The following RNF139 variants were observed in gnomAD, a reference collection of about 807,000 sequenced individuals.
RNF139 encodes the protein ring finger protein 139, also known as E3 ubiquitin-protein ligase RNF139.
Under a neutral mutation model 49.5 loss-of-function variants are expected in RNF139, and 15 were observed. The ratio of observed to expected loss-of-function variants is 0.30; its 90% CI spans 0.20 to 0.47. The LOEUF (loss-of-function observed/expected upper bound fraction) is 0.47, where lower values mean the gene tolerates loss of function less well. Among genes scored for constraint, RNF139 ranks in the 20% least tolerant of loss-of-function variants. The probability of loss-of-function intolerance (pLI) is 1.00; values close to 1 mark genes in which losing one functional copy is unlikely to be tolerated. For missense variants in RNF139, 619 were observed against 806.3 expected (o/e 0.77, Z 2.81); for synonymous variants, 325 against 300.9 (o/e 1.08, Z -0.83).
chr8:124,476,010 C>T (rs1004771045), intron 1 of RNF139, among the ~76,000 whole-genome samples: 1 of 152,180 alleles, frequency 6.6e-6, no homozygotes, highest in Non-Finnish European at 1.5e-5. Context: ...TCATTTCTTC[C>T]TTTCCATCTT....
intron 1 of RNF139, among the ~76,000 whole-genome samples, chr8:124,485,470 A>G (rs959808661): frequency 6.6e-6 from 1 of 152,252 alleles, no homozygotes; most frequent in African/African-American, 2.4e-5. Flanking sequence ...TTATGAAATG[A>G]TAAAAGACAT....
intron 1 of RNF139, among the ~76,000 whole-genome samples, chr8:124,480,909 A>G (rs540406032): frequency 3.9e-5 from 6 of 152,284 alleles, no homozygotes; most frequent in African/African-American, 1.2e-4. Context: ...CAAAGACCAA[A>G]TATTAATATT....
At position 124,475,205 on chromosome 8, in the gene RNF139, C is replaced by G. The variant is rs1816292118; in HGVS notation, c.96C>G (p.Tyr32Ter). 6.2e-7 allele frequency: 1 copy of G among 1,611,914 alleles called. No individual in the cohort carries two copies. The highest frequency in any genetic ancestry group is 8.5e-7 in the Non-Finnish European group (1 of 1,178,708). Reference sequence around the variant, plus strand: ...TGGCGCTCCGGGTGCCCTGCCTTTACATCATCGACGCCATCTTCAACTCCT... The same window carrying G: ...TGGCGCTCCGGGTGCCCTGCCTTTAGATCATCGACGCCATCTTCAACTCCT... ...LEVALRVPCL[Y>*]IIDAIFNSYP... The change falls in exon 1 of 2, where the codon TAC (tyrosine) becomes TAG (stop). Residue 32 changes from tyrosine to a stop codon, truncating the protein, a stop_gained. Coordinates refer to ENST00000303545, the MANE Select transcript of RNF139 (RefSeq NM_007218.4). LOFTEE classifies it high-confidence loss of function.
At chr8:124,484,083 A>G (rs936863685) in intron 1 of RNF139, among the ~76,000 whole-genome samples, 7 of 152,316 alleles carry the variant, frequency 4.6e-5, no homozygotes, top group African/African-American at 1.4e-4. Context: ...TATCAAAGAA[A>G]GTAGGTTTCT....
chr8:124,482,986 A>ATATAATATATATATAT (rs1816452053), intron 1 of RNF139, among the ~76,000 whole-genome samples: 1 of 104,100 alleles, frequency 9.6e-6, no homozygotes, highest in Non-Finnish European at 1.8e-5. Context: ...AAATATATAT[A>ATATAATATATATATAT]TATTTAAAAA....
chr8:124,485,748 TAAAG>T, intron 1 of RNF139, 79 bp from the exon 2 acceptor site: 1 of 1,160,600 alleles, frequency 8.6e-7, no homozygotes, highest in Non-Finnish European at 1.2e-6. Flanking sequence ...ATTTCCTAAT[TAAAG>T]GAAGAATATC....
At chr8:124,478,723 C>CT (rs199911545) in intron 1 of RNF139, among the ~76,000 whole-genome samples, 10,756 of 141,764 alleles carry the variant, frequency 0.076, 620 homozygotes, top group South Asian at 0.29. Context: ...TTTTGGAAGA[C>CT]TTTTTTTTTT....
chr8:124,485,552 T>C (rs1021823082), intron 1 of RNF139, among the ~76,000 whole-genome samples: 3 of 152,178 alleles, frequency 2.0e-5, no homozygotes, highest in Admixed American at 1.3e-4. Context: ...AATTTAGTAA[T>C]TTGGTGCCTT....
intron 1 of RNF139, among the ~76,000 whole-genome samples, chr8:124,483,127 A>ATATATATTTTTAT (rs1816477934): frequency 8.9e-6 from 1 of 112,262 alleles, no homozygotes; most frequent in Admixed American, 1.1e-4. Flanking sequence ...TATATATTTA[A>ATATATATTTTTAT]AAGAGCCTGT....
At position 124,486,978 on chromosome 8, in the gene RNF139, A is replaced by C. The variant is rs1268176319; in HGVS notation, c.1329A>C (p.Leu443Phe). 1 of 1,613,962 alleles carries C rather than the reference A, an allele frequency of 6.2e-7. No homozygotes were observed. The highest frequency in any genetic ancestry group is 8.5e-7 in the Non-Finnish European group (1 of 1,179,992). ...KVIVSLTVYT[L>F]FMIDGYYNVL... The stretch of plus-strand genomic sequence containing the variant: ...TTGTTTCTCTCACTGTTTATACGTT[A>C]TTCATGATTGATGGCTACTATAATG... The change falls in exon 2 of 2, where the codon TTA becomes TTC. Residue 443 changes from leucine (L) to phenylalanine (F), a missense_variant. Transcript: ENST00000303545.
chr8:124,487,273 GAAAT>G lies in RNF139; in HGVS notation c.1629_1632del (p.Ile543MetfsTer75). ...TGAAATAAAAGGGAGCCGCTTACAA[GAAAT>G]AAATGATGTATGTGCAATCTGCTAT... On this transcript the variant is annotated frameshift_variant, in exon 2 of 2. Transcript: ENST00000303545. LOFTEE classifies it high-confidence loss of function. The G allele has an allele frequency of 6.2e-7, 1 of 1,613,906 alleles. No homozygotes were observed. The highest frequency in any genetic ancestry group is 8.5e-7 in the Non-Finnish European group (1 of 1,179,970).
chr8:124,480,917 A>AT (rs752869388), intron 1 of RNF139, among the ~76,000 whole-genome samples: 15 of 151,902 alleles, frequency 9.9e-5, no homozygotes, highest in African/African-American at 1.4e-4. Context: ...AAATATTAAT[A>AT]TTTTTTTTAT....
intron 1 of RNF139, 146 bp downstream of exon 1, chr8:124,475,436 T>A: frequency 1.2e-6 from 1 of 807,994 alleles, no homozygotes; most frequent in Non-Finnish European, 1.9e-6. Context: ...TCTTTACGGG[T>A]TGGGAGGGGG....
At position 124,482,933 on chromosome 8, in the gene RNF139, T is replaced by A. The variant is rs1358861472; in HGVS notation, c.182-2898T>A. Among the ~76,000 whole-genome samples, 9 of 94,188 alleles carry A rather than the reference T, an allele frequency of 9.6e-5. No homozygotes were observed. The East Asian group carries it at 1.9e-3, about 20-fold the overall frequency. 61.8% of individuals were successfully genotyped at this position (94,188 alleles called of 152,430 possible). On this transcript the variant is annotated intron_variant, in intron 1 of 1. Coordinates refer to ENST00000303545, the MANE Select transcript of RNF139 (RefSeq NM_007218.4). The stretch of plus-strand genomic sequence containing the variant: ...AGGAGCGAAACTCCATTAAAAAAAA[T>A]ATAAAAAAAAATATATATATATATA...
At chr8:124,484,347 G>A (rs1816495855) in intron 1 of RNF139, among the ~76,000 whole-genome samples, 1 of 152,146 alleles carries the variant, frequency 6.6e-6, no homozygotes, top group Non-Finnish European at 1.5e-5. Context: ...AGCAGGGAAT[G>A]AAGAAAGGCA....
At chr8:124,475,381 G>A in intron 1 of RNF139, 91 bp downstream of exon 1, 2 of 1,304,872 alleles carry the variant, frequency 1.5e-6, no homozygotes, top group East Asian at 2.4e-5. Flanking sequence ...GCCATGGGTC[G>A]AGTATGTGTC....
intron 1 of RNF139, among the ~76,000 whole-genome samples, chr8:124,483,077 T>A (rs1322694630): frequency 4.2e-4 from 8 of 18,958 alleles, no homozygotes; most frequent in Admixed American, 7.2e-4. Flanking sequence ...TATATATTAT[T>A]TAAATATATA....
chr8:124,475,415 T>A, intron 1 of RNF139, 125 bp downstream of exon 1: 3 of 979,404 alleles, frequency 3.1e-6, no homozygotes, highest in Non-Finnish European at 4.5e-6. Flanking sequence ...GTTTCATCCC[T>A]CAAAGGGTCG....
rs552240602 is a variant in RNF139 at position 124,485,288 on chromosome 8, T to TG, written c.182-540dup. ...CTGGGGCAGGAGAATTGCTTGAGCC[T>TG]GGGAGGCAGAATTTGCAGTGAGCTG... On this transcript the variant is annotated intron_variant, in intron 1 of 1. Transcript: ENST00000303545. Among the ~76,000 whole-genome samples, 26 of 152,288 alleles carry TG rather than the reference T, an allele frequency of 1.7e-4. 2 individuals carry two copies. The East Asian group carries it at 5.0e-3, about 29-fold the overall frequency.
Sources: allele counts gnomAD v4.1 joint callset (sites outside exome capture counted in the v4.1 genomes callset), GRCh38; gene constraint gnomAD v4.1.1; transcripts MANE v1.5; gene names NCBI Gene and HGNC (gene_info 2026-07-23, HGNC 2026-07-21).